The following SGCD variants were observed in gnomAD, a reference collection of about 807,000 sequenced individuals.
SGCD encodes the protein sarcoglycan delta.
In SGCD, 18 loss-of-function variants were observed where a neutral mutation model predicts 36.6. The observed-to-expected ratio is 0.49, with a 90% CI of 0.34 to 0.73. The LOEUF is 0.73. SGCD is among the 30% of genes least tolerant of loss of function. The probability of loss-of-function intolerance (pLI) is 0.01; values close to 1 mark genes in which losing one functional copy is unlikely to be tolerated. For synonymous variants in SGCD, 133 were observed against 130.6 expected (o/e 1.02, Z -0.12); for missense variants, 387 against 346.7 (o/e 1.12, Z -0.92).
At chr5:155,808,821 G>A in the SGCD span, among the ~76,000 whole-genome samples, 4 of 152,242 alleles carry the variant, frequency 2.6e-5, no homozygotes, top group South Asian at 8.3e-4. Context: ...CATTATTCAT[G>A]TAAGAAAGTG....
rs1045601319 is a variant in SGCD at position 156,763,444 on chromosome 5, T to G, written c.*4054T>G. The stretch of plus-strand genomic sequence containing the variant: ...GAAGTATTGGAAAAAGCAAAATACA[T>G]GGGGACAAAAAAAATACAGTGAAAT... On this transcript the variant is annotated 3_prime_UTR_variant, in exon 9 of 9. Transcript: ENST00000337851. 1 of 152,468 alleles carries G rather than the reference T, an allele frequency of 6.6e-6. No individual in the cohort carries two copies. The highest frequency in any genetic ancestry group is 6.5e-5 in the Admixed American group (1 of 15,268). The allele number at this position is 152,468 out of a possible 1,614,324, so 9.4% of individuals were successfully genotyped here.
At chr5:156,674,320 A>G (rs149942987) in intron 7 of SGCD, among the ~76,000 whole-genome samples, 5 of 152,232 alleles carry the variant, frequency 3.3e-5, no homozygotes, top group African/African-American at 1.2e-4. Context: ...CCATAGCGTG[A>G]GCCATGCAGC....
At chr5:156,205,090 C>T (rs550959907) in intron 3 of SGCD, among the ~76,000 whole-genome samples, 1 of 152,172 alleles carries the variant, frequency 6.6e-6, no homozygotes, top group East Asian at 1.9e-4. Flanking sequence ...GTAAACTGCC[C>T]TTCCTCCATC....
chr5:156,410,501 T>C (rs1231653827), intron 3 of SGCD, among the ~76,000 whole-genome samples: 1 of 152,192 alleles, frequency 6.6e-6, no homozygotes, highest in African/African-American at 2.4e-5. Flanking sequence ...AACCTGCACA[T>C]GTACCTTCTG....
intron 1 of SGCD, among the ~76,000 whole-genome samples, chr5:155,992,206 T>C (rs552468906): frequency 6.6e-6 from 1 of 152,330 alleles, no homozygotes; most frequent in African/African-American, 2.4e-5. Context: ...GATATAGACC[T>C]CTTGAAACCT....
chr5:155,803,374 C>A, the SGCD span, among the ~76,000 whole-genome samples: 1 of 152,080 alleles, frequency 6.6e-6, no homozygotes, highest in Non-Finnish European at 1.5e-5. Context: ...GCAGTTGGGA[C>A]CATGGAGAGA....
At chr5:156,202,724 A>T (rs1764179229) in intron 3 of SGCD, among the ~76,000 whole-genome samples, 2 of 150,396 alleles carry the variant, frequency 1.3e-5, no homozygotes, top group South Asian at 4.2e-4. Flanking sequence ...CAGTGTGTTC[A>T]TGAAAACGCA....
At position 156,558,088 on chromosome 5, in the gene SGCD, A is replaced by AATATATATATATAT. The variant is rs67339181; in HGVS notation, c.295-31120_295-31107dup. Among the ~76,000 whole-genome samples the AATATATATATATAT allele has an allele frequency of 4.5e-3, 431 of 95,484 alleles. 7 individuals carry two copies. The highest frequency in any genetic ancestry group is 0.011 in the African/African-American group (275 of 25,284). The allele number at this position is 95,484 out of a possible 152,430, so 62.6% of individuals were successfully genotyped here. On this transcript the variant is annotated intron_variant, in intron 4 of 8. Coordinates refer to ENST00000337851, the MANE Select transcript of SGCD (RefSeq NM_000337.6). Reference sequence around the variant, plus strand: ...ACTGAGTGTGTTATTAGTAAATACAAATATATATATATATATATATATATA... The same window carrying AATATATATATATAT: ...ACTGAGTGTGTTATTAGTAAATACAAATATATATATATATATATATATATATATATATATATATA...
chr5:156,235,664 G>A (rs151265887), intron 3 of SGCD, among the ~76,000 whole-genome samples: 24 of 152,110 alleles, frequency 1.6e-4, no homozygotes, highest in East Asian at 7.7e-4. Context: ...TCTTCTAATC[G>A]AAACTACTGT....
intron 3 of SGCD, among the ~76,000 whole-genome samples, chr5:156,194,639 C>T (rs1290455107): frequency 6.6e-6 from 1 of 151,670 alleles, no homozygotes; most frequent in Non-Finnish European, 1.5e-5. Flanking sequence ...TAATATAATA[C>T]CTTAAGGTAA....
intron 1 of SGCD, among the ~76,000 whole-genome samples, chr5:156,112,967 G>T (rs1395990690): frequency 1.3e-5 from 2 of 152,122 alleles, no homozygotes; most frequent in Non-Finnish European, 2.9e-5. Flanking sequence ...TTCAATGAAG[G>T]CTTATTTCCA....
At chr5:156,219,603 C>T (rs1351819208) in intron 3 of SGCD, among the ~76,000 whole-genome samples, 1 of 152,150 alleles carries the variant, frequency 6.6e-6, no homozygotes, top group African/African-American at 2.4e-5. Flanking sequence ...ATAGATGAAG[C>T]TTCATTGAGA....
intron 1 of SGCD, among the ~76,000 whole-genome samples, chr5:156,115,482 G>A (rs1761886072): frequency 6.6e-6 from 1 of 151,980 alleles, no homozygotes; most frequent in Non-Finnish European, 1.5e-5. Flanking sequence ...CCCACCCATA[G>A]TAACACTTCT....
At chr5:155,833,053 C>CAAAAAAAAAAAAAAAAA in the SGCD span, among the ~76,000 whole-genome samples, 1 of 90,336 alleles carries the variant, frequency 1.1e-5, no homozygotes, top group African/African-American at 4.0e-5. Context: ...ACTAAAAATA[C>CAAAAAAAAAAAAAAAAA]GAAAAAAAAA....
rs1581326060 is a variant in SGCD, at chr5:156,647,338, G to A, written c.503-126G>A. ...CTATCATGGAGCTCTAAAGCCAGTG[G>A]AAAAATATGTGGGTATGGGGTTGTG... On this transcript the variant is annotated intron_variant, in intron 6 of 8. Transcript: ENST00000337851. 6.8e-6 allele frequency: 4 copies of A among 587,850 alleles called. No homozygotes were observed. In the East Asian group the frequency reaches 1.1e-4, roughly 17 times the overall value. The allele number at this position is 587,850 out of a possible 1,614,324, so 36.4% of individuals were successfully genotyped here.
At chr5:156,627,803 A>T (rs1762489717) in intron 6 of SGCD, among the ~76,000 whole-genome samples, 1 of 152,228 alleles carries the variant, frequency 6.6e-6, no homozygotes, top group African/African-American at 2.4e-5. Context: ...GGAGACCCAG[A>T]TTCTGATATT....
At chr5:156,177,494 C>T (rs1171301556) in intron 3 of SGCD, among the ~76,000 whole-genome samples, 1 of 152,122 alleles carries the variant, frequency 6.6e-6, no homozygotes, top group Admixed American at 6.5e-5. Context: ...CACAGCAACT[C>T]AAGTTGTTAC....
chr5:156,335,094 A>G (rs1768276052), intron 2 of SGCD, among the ~76,000 whole-genome samples: 1 of 152,156 alleles, frequency 6.6e-6, no homozygotes, highest in East Asian at 1.9e-4. Flanking sequence ...GATCTCCCAT[A>G]GTGTTGCAGG....
At chr5:156,499,606 C>T (rs1007673131) in intron 3 of SGCD, among the ~76,000 whole-genome samples, 5 of 152,060 alleles carry the variant, frequency 3.3e-5, no homozygotes, top group South Asian at 2.1e-4. Flanking sequence ...AAGAGTATTG[C>T]TGGCCAAGGG....
Sources: gnomAD v4.1 joint callset for allele counts (sites outside exome capture counted in the v4.1 genomes callset) on GRCh38, gnomAD v4.1.1 for gene constraint, MANE v1.5 for transcripts, NCBI Gene and HGNC (gene_info 2026-07-23, HGNC 2026-07-21) for gene names.